BPHL: variants seen among roughly 807,000 people sequenced by gnomAD.
BPHL encodes the protein serine hydrolase BPHL.
A neutral mutation model predicts 31.2 loss-of-function variants in BPHL; 27 were observed. The ratio of observed to expected loss-of-function variants is 0.87; its 90% CI spans 0.64 to 1.19. The LOEUF (loss-of-function observed/expected upper bound fraction) is 1.19. Among genes scored for constraint, BPHL ranks in the 50% most tolerant of loss-of-function variants. The probability of loss-of-function intolerance (pLI) is 0.00; values close to 1 mark genes in which losing one functional copy is unlikely to be tolerated. For missense variants in BPHL, 356 were observed against 375.7 expected, an observed-to-expected ratio of 0.95 and a Z score of 0.43; for synonymous variants, 150 against 146.8, an observed-to-expected ratio of 1.02 and a Z score of -0.16.
At chr6:3,141,568 A>G (rs570373466) in intron 6 of BPHL, among the ~76,000 whole-genome samples, 73 of 152,242 alleles carry the variant, frequency 4.8e-4, no homozygotes, top group African/African-American at 1.6e-3. Flanking sequence ...GGGTTTCACA[A>G]TGTTAGCCAG....
At chr6:3,119,752 C>T (rs944914260) in intron 1 of BPHL, among the ~76,000 whole-genome samples, 2 of 152,170 alleles carry the variant, frequency 1.3e-5, no homozygotes, top group Non-Finnish European at 2.9e-5. Flanking sequence ...TAGATAGGTA[C>T]ACAGCGTTTA....
At chr6:3,138,231 G>A in intron 5 of BPHL, 1 of 303,270 alleles carries the variant, frequency 3.3e-6, no homozygotes, top group Non-Finnish European at 6.4e-6. Context: ...TGTTGGCCAG[G>A]ATGGCCTTGA....
At chr6:3,145,146 T>TGGGTCGAGTGCTGGTTCA (rs1762294565) in intron 6 of BPHL, among the ~76,000 whole-genome samples, 1 of 129,496 alleles carries the variant, frequency 7.7e-6, no homozygotes, top group South Asian at 2.6e-4. Flanking sequence ...AGTGCTGGTT[T>TGGGTCGAGTGCTGGTTCA]GGGTCGAGTG....
intron 5 of BPHL, chr6:3,138,028 C>T: frequency 8.9e-7 from 1 of 1,122,684 alleles, no homozygotes; most frequent in Non-Finnish European, 1.2e-6. Context: ...GTCTCCTATT[C>T]TTTTTTTTTT....
intron 4 of BPHL, among the ~76,000 whole-genome samples, chr6:3,130,711 G>A (rs769607132): frequency 3.3e-5 from 5 of 152,178 alleles, no homozygotes; most frequent in Non-Finnish European, 7.3e-5. Flanking sequence ...CATAAAAGGT[G>A]TACAGATCTC....
intron 5 of BPHL, chr6:3,138,280 A>G (rs185802602): frequency 2.2e-4 from 51 of 231,388 alleles, no homozygotes; most frequent in African/African-American, 9.4e-4. Context: ...GGCCCTCCCA[A>G]TTGCTGGGAT....
chr6:3,118,723 G>C lies in BPHL; in HGVS notation c.-18G>C. ...TCTTAGCGCATGCGCACTCCCGGCA[G>C]CTACGCGACCTGTGACCATGGTGGC... On this transcript the variant is annotated 5_prime_UTR_variant, in exon 1 of 7. Transcript: ENST00000380379. The C allele has an allele frequency of 8.0e-7, 1 of 1,257,202 alleles. No individual in the cohort carries two copies. The highest frequency in any genetic ancestry group is 1.0e-6 in the Non-Finnish European group (1 of 997,144). 77.9% of individuals were successfully genotyped at this position (1,257,202 alleles called of 1,614,324 possible). A position where few individuals can be genotyped will look rare whatever the true frequency, so the allele number is the denominator to read the frequency against.
chr6:3,153,570 C>T lies in BPHL; in HGVS notation c.*995C>T, dbSNP rs1210084962. 3 of 531,616 alleles carry T rather than the reference C, an allele frequency of 5.6e-6. No homozygotes were observed. Among genetic ancestry groups the T allele is most frequent in the African/African-American group, 3.8e-5 (2 of 52,814 alleles). The allele number at this position is 531,616 out of a possible 1,614,324, so 32.9% of individuals were successfully genotyped here. ...TATTAAAATTAAACTTTGATTACCA[C>T]AATAAAAACAGTAGCAAGTTAAACC... On this transcript the variant is annotated 3_prime_UTR_variant, in exon 7 of 7. Transcript: ENST00000380379.
intron 6 of BPHL, among the ~76,000 whole-genome samples, chr6:3,147,276 A>G (rs1762411677): frequency 6.6e-6 from 1 of 152,188 alleles, no homozygotes; most frequent in African/African-American, 2.4e-5. Flanking sequence ...TAAATAAATA[A>G]ATAAAAAATA....
chr6:3,139,557 AGCACTGCCCC>A (rs933068992), intron 5 of BPHL: 1 of 152,060 alleles, frequency 6.6e-6, no homozygotes, highest in East Asian at 1.9e-4. Flanking sequence ...AGGGCGGGGG[AGCACTGCCCC>A]GTCGGGGCAG....
At chr6:3,137,976 A>G (rs1239644108) in intron 5 of BPHL, 3 of 1,279,366 alleles carry the variant, frequency 2.3e-6, no homozygotes, top group East Asian at 1.1e-4. Context: ...TTCCATCTTC[A>G]GAACTAAGTG....
chr6:3,118,688 C>T, upstream of BPHL: 1 of 1,209,836 alleles, frequency 8.3e-7, no homozygotes, highest in Non-Finnish European at 1.0e-6. Context: ...GGGCCGGGTA[C>T]CGCGCTTGGT....
chr6:3,126,863 C>T (rs1300989810), intron 2 of BPHL: 1 of 154,750 alleles, frequency 6.5e-6, no homozygotes, highest in Non-Finnish European at 1.4e-5. Context: ...AAGCAATTCT[C>T]CTGCCTCAGC....
intron 1 of BPHL, among the ~76,000 whole-genome samples, chr6:3,120,627 C>T (rs1329513552): frequency 1.3e-5 from 2 of 152,142 alleles, no homozygotes; most frequent in African/African-American, 4.8e-5. Flanking sequence ...ACTTTTGTTC[C>T]AAAAACTTGT....
intron 6 of BPHL, among the ~76,000 whole-genome samples, chr6:3,148,469 A>G (rs1188474316): frequency 6.6e-6 from 1 of 152,256 alleles, no homozygotes; most frequent in Non-Finnish European, 1.5e-5. Flanking sequence ...TCAGCTCCAT[A>G]GAAAAGTGAA....
At chr6:3,143,995 T>G (rs1278332399) in intron 6 of BPHL, among the ~76,000 whole-genome samples, 1 of 152,290 alleles carries the variant, frequency 6.6e-6, no homozygotes, top group East Asian at 1.9e-4. Flanking sequence ...TCAGCGAGGC[T>G]TCCTCGCCTC....
At chr6:3,151,265 C>A (rs1436208379) in intron 6 of BPHL, among the ~76,000 whole-genome samples, 1 of 152,220 alleles carries the variant, frequency 6.6e-6, no homozygotes, top group East Asian at 1.9e-4. Flanking sequence ...TCCCTGCAAG[C>A]CCTGTTCCTT....
intron 4 of BPHL, among the ~76,000 whole-genome samples, chr6:3,133,349 C>T (rs966328202): frequency 2.6e-5 from 4 of 152,184 alleles, no homozygotes; most frequent in African/African-American, 9.7e-5. Context: ...CCTCTCCAAC[C>T]GGTCCAGGTC....
At chr6:3,128,918 GT>G in intron 3 of BPHL, 126 bp from the exon 4 acceptor site, 1 of 1,410,000 alleles carries the variant, frequency 7.1e-7, no homozygotes, top group Non-Finnish European at 1.0e-6. Context: ...GGACTCTAGG[GT>G]TTTTCTTTTC....
Sources: gnomAD v4.1 joint callset for allele counts (sites outside exome capture counted in the v4.1 genomes callset) on GRCh38, gnomAD v4.1.1 for gene constraint, MANE v1.5 for transcripts, NCBI Gene and HGNC (gene_info 2026-07-23, HGNC 2026-07-21) for gene names.